The following ST7L variants were observed in gnomAD, a reference collection of about 807,000 sequenced individuals.
The protein encoded by ST7L is suppressor of tumorigenicity 7 protein-like.
ST7L carries 57 observed loss-of-function variants against 72.5 expected under a neutral mutation model. The observed-to-expected ratio is 0.79, with a 90% confidence interval of 0.64 to 0.98. ST7L has a LOEUF of 0.98. Ranked by LOEUF, ST7L falls within the 50% of genes least tolerant of loss-of-function variation. The pLI, the probability that ST7L is intolerant of heterozygous loss-of-function variation, is 0.00. For synonymous variants in ST7L, 221 were observed against 240.9 expected (o/e 0.92, Z 0.77); for missense variants, 576 against 672.2 (o/e 0.86, Z 1.58).
intron 12 of ST7L, among the ~76,000 whole-genome samples, chr1:112,551,781 T>C (rs1200248928): frequency 6.6e-6 from 1 of 152,230 alleles, no homozygotes; most frequent in African/African-American, 2.4e-5. Flanking sequence ...ACGTTGTCAA[T>C]AGGTTCTTGG....
At chr1:112,587,985 A>T (rs986928102) in intron 6 of ST7L, among the ~76,000 whole-genome samples, 8 of 152,216 alleles carry the variant, frequency 5.3e-5, no homozygotes, top group Non-Finnish European at 1.0e-4. Flanking sequence ...CTTATGCTTT[A>T]TAGTTTTCAG....
chr1:112,568,844 TTATAAATATAAA>T (rs1337407906), intron 11 of ST7L, among the ~76,000 whole-genome samples: 1 of 101,918 alleles, frequency 9.8e-6, no homozygotes, highest in Non-Finnish European at 2.0e-5. Context: ...ACCCTGTTTT[TTATAAATATAAA>T]TATAAATATA....
intron 13 of ST7L, among the ~76,000 whole-genome samples, chr1:112,549,208 C>T (rs1294661664): frequency 6.6e-6 from 1 of 152,082 alleles, no homozygotes; most frequent in African/African-American, 2.4e-5. Flanking sequence ...GCCTGGGCAA[C>T]ATGGCGAAAC....
intron 12 of ST7L, among the ~76,000 whole-genome samples, chr1:112,555,145 T>C (rs916074555): frequency 2.6e-5 from 4 of 152,204 alleles, no homozygotes; most frequent in African/African-American, 9.6e-5. Context: ...GTTGTATATA[T>C]TTTACAATAA....
intron 6 of ST7L, 115 bp downstream of exon 6, chr1:112,591,409 CA>C: frequency 1.2e-6 from 1 of 808,648 alleles, no homozygotes; most frequent in Non-Finnish European, 1.9e-6. Flanking sequence ...CTATAACATG[CA>C]AAAAGGAAAT....
chr1:112,600,940 C>T, intron 3 of ST7L, 92 bp from the exon 4 acceptor site: 1 of 1,039,046 alleles, frequency 9.6e-7, no homozygotes, highest in Non-Finnish European at 1.4e-6. Flanking sequence ...AGGCTAATCA[C>T]AGTGCTAGCC....
At chr1:112,565,660 C>T (rs962836332) in intron 11 of ST7L, among the ~76,000 whole-genome samples, 2 of 152,076 alleles carry the variant, frequency 1.3e-5, no homozygotes, top group Non-Finnish European at 2.9e-5. Context: ...TCCCCCAAAC[C>T]TTATACATTC....
chr1:112,540,281 A>G, intron 14 of ST7L: 1 of 985,386 alleles, frequency 1.0e-6, no homozygotes, highest in Non-Finnish European at 1.2e-6. Context: ...CTGTGATCTC[A>G]CATACACAGT....
intron 13 of ST7L, among the ~76,000 whole-genome samples, chr1:112,547,161 C>T (rs957372422): frequency 2.0e-5 from 3 of 151,406 alleles, no homozygotes; most frequent in African/African-American, 7.3e-5. Context: ...TCCTAGATAG[C>T]TAGGCCCTCC....
chr1:112,576,908 C>T, intron 11 of ST7L, 78 bp downstream of exon 11: 1 of 1,079,720 alleles, frequency 9.3e-7, no homozygotes, highest in Non-Finnish European at 1.4e-6. Flanking sequence ...ATTATGGTGA[C>T]CCAGACTCTG....
At chr1:112,568,861 A>AATATAAATATAAATAT (rs61349207) in intron 11 of ST7L, among the ~76,000 whole-genome samples, 3 of 114,918 alleles carry the variant, frequency 2.6e-5, no homozygotes, top group Admixed American at 1.1e-4. Flanking sequence ...TATAAATATA[A>AATATAAATATAAATAT]ATATATATAT....
In ST7L at chr1:112,619,118, C is replaced by T; in HGVS notation, c.-5G>A. 6.2e-7 allele frequency: 1 copy of T among 1,612,918 alleles called. No individual in the cohort carries two copies. The highest frequency in any genetic ancestry group is 8.5e-7 in the Non-Finnish European group (1 of 1,179,602). On this transcript the variant is annotated 5_prime_UTR_variant, in exon 1 of 15. Transcript: ENST00000358039. ...CACGCCGCCACGGTCCGCCATCTTG[C>T]CGCTATCGCAGGCGCCAGGAGCTGG...
In ST7L at chr1:112,525,966, C is replaced by A. The variant is rs1458932828; in HGVS notation, c.*47G>T. 3.1e-6 allele frequency: 5 copies of A among 1,610,978 alleles called. No homozygotes were observed. In the South Asian group the frequency reaches 5.5e-5, roughly 18 times the overall value. ...TTACTGTCACTTTACAGATGCTGTT[C>A]AGAAAAATTTGGTGATTTGTCCAAG... On this transcript the variant is annotated 3_prime_UTR_variant, in exon 15 of 15. Transcript: ENST00000358039.
intron 11 of ST7L, among the ~76,000 whole-genome samples, chr1:112,562,881 T>G (rs929347839): frequency 6.6e-6 from 1 of 152,148 alleles, no homozygotes; most frequent in African/African-American, 2.4e-5. Flanking sequence ...GAATCTGTTT[T>G]AATAGTCCAC....
At chr1:112,527,038 T>C (rs1356260964) in intron 14 of ST7L, 2 of 152,072 alleles carry the variant, frequency 1.3e-5, no homozygotes. Context: ...AACCCCTCTT[T>C]GTTTTCCCAT....
Position 112,526,007 on chromosome 1 carries a change from C to T in ST7L, c.*6G>A, listed in dbSNP as rs541812577. The T allele has an allele frequency of 6.6e-5, 106 of 1,613,900 alleles. No homozygotes were observed. Among genetic ancestry groups the T allele is most frequent in the Non-Finnish European group, 7.5e-5 (89 of 1,179,936 alleles). The stretch of plus-strand genomic sequence containing the variant: ...TTTGTCCAAGGTCACATGAACAGTG[C>T]GTGGCTCAGCCAGAACTCAAACCTA... On this transcript the variant is annotated 3_prime_UTR_variant, in exon 15 of 15. Transcript: ENST00000358039.
At chr1:112,578,229 A>G in intron 10 of ST7L, 116 bp downstream of exon 10, 1 of 1,017,944 alleles carries the variant, frequency 9.8e-7, no homozygotes, top group Non-Finnish European at 1.5e-6. Flanking sequence ...AAGAAGATCC[A>G]GGGCTATTCA....
intron 6 of ST7L, among the ~76,000 whole-genome samples, chr1:112,586,990 C>T (rs138970928): frequency 2.3e-4 from 35 of 152,270 alleles, no homozygotes; most frequent in African/African-American, 8.2e-4. Flanking sequence ...TGACAATGTC[C>T]TCTGATGCAT....
intron 13 of ST7L, among the ~76,000 whole-genome samples, chr1:112,549,958 A>G (rs1657838231): frequency 6.6e-6 from 1 of 152,196 alleles, no homozygotes; most frequent in South Asian, 2.1e-4. Flanking sequence ...AGGTTGAGGA[A>G]GTACCCTTCA....
Sources: gnomAD v4.1 joint callset for allele counts (sites outside exome capture counted in the v4.1 genomes callset) on GRCh38, gnomAD v4.1.1 for gene constraint, MANE v1.5 for transcripts, NCBI Gene and HGNC (gene_info 2026-07-23, HGNC 2026-07-21) for gene names.